Variants in RIMS2 observed in about 807,000 individuals in gnomAD.
The protein encoded by RIMS2 is regulating synaptic membrane exocytosis protein 2.
RIMS2 carries 59 observed loss-of-function variants against 174.4 expected under a neutral mutation model. The observed-to-expected ratio is 0.34, with a 90% CI of 0.27 to 0.42. The LOEUF (loss-of-function observed/expected upper bound fraction) is 0.42. Ranked by LOEUF, RIMS2 falls within the 10% of genes least tolerant of loss-of-function variation. The pLI is 1.00. For missense variants in RIMS2, 1,620 were observed against 1,666.3 expected, an observed-to-expected ratio of 0.97 and a Z score of 0.48; for synonymous variants, 606 against 572.5, an observed-to-expected ratio of 1.06 and a Z score of -0.84.
chr8:104,220,016 G>A (rs1383600901), intron 19 of RIMS2, among the ~76,000 whole-genome samples: 1 of 151,942 alleles, frequency 6.6e-6, no homozygotes. Flanking sequence ...GTTATACATA[G>A]GAAAACAATT....
At chr8:103,517,359 G>A (rs1341396239) in intron 1 of RIMS2, among the ~76,000 whole-genome samples, 2 of 152,084 alleles carry the variant, frequency 1.3e-5, no homozygotes, top group Non-Finnish European at 2.9e-5. Flanking sequence ...GTGTCTTTGG[G>A]GAATAGCCAG....
At chr8:103,685,722 C>G (rs901588479) in intron 1 of RIMS2, among the ~76,000 whole-genome samples, 5 of 152,140 alleles carry the variant, frequency 3.3e-5, no homozygotes, top group African/African-American at 1.2e-4. Flanking sequence ...TTTACTTGAT[C>G]ACTACAGCTT....
intron 19 of RIMS2, among the ~76,000 whole-genome samples, chr8:104,100,990 AGTATATG>A (rs1194408062): frequency 7.2e-6 from 1 of 137,984 alleles, no homozygotes; most frequent in African/African-American, 2.7e-5. Context: ...TATATTATAT[AGTATATG>A]TTATATATGA....
chr8:103,719,531 A>G (rs1324143641), intron 2 of RIMS2, among the ~76,000 whole-genome samples: 1 of 152,176 alleles, frequency 6.6e-6, no homozygotes, highest in Admixed American at 6.5e-5. Context: ...AATTTAACAC[A>G]TTTTCTCATT....
chr8:103,876,689 G>T (rs369113345), intron 3 of RIMS2, among the ~76,000 whole-genome samples: 17 of 150,370 alleles, frequency 1.1e-4, no homozygotes, highest in African/African-American at 3.9e-4. Flanking sequence ...GAGAGCATAT[G>T]ATGTTTGCTT....
At chr8:103,608,916 G>C (rs946514597) in intron 1 of RIMS2, among the ~76,000 whole-genome samples, 5 of 152,192 alleles carry the variant, frequency 3.3e-5, no homozygotes, top group Non-Finnish European at 7.3e-5. Flanking sequence ...AGATGAACCT[G>C]GTACCTCAGA....
chr8:104,224,248 G>C (rs2099171085), intron 19 of RIMS2, among the ~76,000 whole-genome samples: 1 of 152,196 alleles, frequency 6.6e-6, no homozygotes, highest in Admixed American at 6.5e-5. Flanking sequence ...ATGAGGTGAA[G>C]GGGTTACACA....
chr8:103,912,651 T>G (rs1288304163), intron 6 of RIMS2, among the ~76,000 whole-genome samples: 1 of 152,142 alleles, frequency 6.6e-6, no homozygotes, highest in African/African-American at 2.4e-5. Context: ...ATATGTGCAC[T>G]TAAGAGAGAG....
chr8:103,690,419 G>T (rs1383454722), intron 1 of RIMS2, among the ~76,000 whole-genome samples: 1 of 151,896 alleles, frequency 6.6e-6, no homozygotes, highest in African/African-American at 2.4e-5. Context: ...TTTCTCCTGT[G>T]GTGTGCTTTA....
At chr8:103,581,813 G>A (rs983796606) in intron 1 of RIMS2, among the ~76,000 whole-genome samples, 3 of 152,212 alleles carry the variant, frequency 2.0e-5, no homozygotes, top group Admixed American at 6.5e-5. Context: ...AAGGCTGCAT[G>A]TGCCCTGTCT....
rs542642227 is a variant in RIMS2 at position 103,816,097 on chromosome 8, G to A, written c.698+49560G>A. On this transcript the variant is annotated intron_variant, in intron 3 of 23. Transcript: ENST00000504942. ...ACTATATTGAAAATTTAAAACACAC[G>A]TTATCTATAAACATTCTTTATAATA... is the stretch of plus-strand genomic sequence containing the variant. Among the ~76,000 whole-genome samples, 15 of 152,108 alleles carry A rather than the reference G, an allele frequency of 9.9e-5. 1 individual carries two copies. Among genetic ancestry groups the A allele is most frequent in the Admixed American group, 1.3e-4 (2 of 15,270 alleles).
chr8:103,534,018 G>A (rs1173038963), intron 1 of RIMS2, among the ~76,000 whole-genome samples: 2 of 152,184 alleles, frequency 1.3e-5, no homozygotes, highest in African/African-American at 4.8e-5. Flanking sequence ...TGAGCTCAAG[G>A]CTGACGTTGA....
At chr8:104,082,363 A>G (rs893297685) in intron 19 of RIMS2, among the ~76,000 whole-genome samples, 6 of 152,162 alleles carry the variant, frequency 3.9e-5, no homozygotes, top group Non-Finnish European at 8.8e-5. Context: ...GCTGTGTTGA[A>G]TGATATAATT....
At chr8:104,051,308 A>G (rs1304275489) in intron 19 of RIMS2, among the ~76,000 whole-genome samples, 2 of 152,112 alleles carry the variant, frequency 1.3e-5, no homozygotes, top group African/African-American at 4.8e-5. Context: ...ACACACATAT[A>G]TATATTTCAA....
intron 3 of RIMS2, among the ~76,000 whole-genome samples, chr8:103,820,554 G>C (rs1299880448): frequency 2.6e-5 from 4 of 151,778 alleles, no homozygotes; most frequent in African/African-American, 7.3e-5. Flanking sequence ...CTATTTTGGA[G>C]ATTAAAAAAA....
chr8:103,894,305 A>G (rs907184836), intron 4 of RIMS2, among the ~76,000 whole-genome samples: 3 of 151,730 alleles, frequency 2.0e-5, no homozygotes, highest in Admixed American at 6.6e-5. Context: ...ATTTTGCAGT[A>G]GAAATATCTT....
At chr8:103,871,568 ACT>A (rs1469083681) in intron 3 of RIMS2, among the ~76,000 whole-genome samples, 4 of 151,526 alleles carry the variant, frequency 2.6e-5, no homozygotes. Context: ...GAAGTCTGAC[ACT>A]CTTCCTGCTT....
intron 1 of RIMS2, among the ~76,000 whole-genome samples, chr8:103,665,666 T>G (rs1041683578): frequency 1.3e-5 from 2 of 152,252 alleles, no homozygotes; most frequent in Non-Finnish European, 2.9e-5. Context: ...TACCTCACGC[T>G]GACTTTCCAG....
At chr8:103,627,502 A>G (rs1294554478) in intron 1 of RIMS2, among the ~76,000 whole-genome samples, 3 of 152,250 alleles carry the variant, frequency 2.0e-5, no homozygotes, top group Non-Finnish European at 4.4e-5. Context: ...TGATTGGGGA[A>G]GTGATAAATG....
Sources: allele counts gnomAD v4.1 joint callset (sites outside exome capture counted in the v4.1 genomes callset), GRCh38; gene constraint gnomAD v4.1.1; transcripts MANE v1.5; gene names NCBI Gene and HGNC (gene_info 2026-07-23, HGNC 2026-07-21).